Variants in CDH8 observed in about 807,000 individuals in gnomAD.
CDH8 encodes the protein cadherin-8.
Under a neutral mutation model 68.1 loss-of-function variants are expected in CDH8, and 17 were observed. That is an observed-to-expected ratio of 0.25 (90% CI 0.17 to 0.37). The LOEUF is 0.37. Among genes scored for constraint, CDH8 ranks in the 10% least tolerant of loss-of-function variants. CDH8 has a pLI of 1.00. For missense variants in CDH8, 763 were observed against 999.3 expected (o/e 0.76, Z 3.19); for synonymous variants, 372 against 365.1 (o/e 1.02, Z -0.21).
chr16:62,017,992 T>A (rs1375132301), intron 2 of CDH8, among the ~76,000 whole-genome samples: 1 of 152,082 alleles, frequency 6.6e-6, no homozygotes, highest in Non-Finnish European at 1.5e-5. Flanking sequence ...TACAAACACA[T>A]ACACACACAC....
intron 11 of CDH8, among the ~76,000 whole-genome samples, chr16:61,654,995 G>A (rs990919636): frequency 6.6e-6 from 1 of 152,158 alleles, no homozygotes; most frequent in Non-Finnish European, 1.5e-5. Flanking sequence ...AAATGCAATG[G>A]TATTTTGAAG....
intron 2 of CDH8, 114 bp from the exon 3 acceptor site, chr16:61,901,587 G>T: frequency 1.5e-6 from 1 of 667,886 alleles, no homozygotes; most frequent in Non-Finnish European, 2.6e-6. Flanking sequence ...ATCAATTTCT[G>T]CTAATAGTAG....
At chr16:61,801,704 C>G (rs539047492) in intron 7 of CDH8, among the ~76,000 whole-genome samples, 1 of 152,056 alleles carries the variant, frequency 6.6e-6, no homozygotes, top group African/African-American at 2.4e-5. Context: ...AAAGGGGTGA[C>G]GGACGCACCT....
intron 4 of CDH8, among the ~76,000 whole-genome samples, chr16:61,832,335 G>GATA (rs777565282): frequency 1.0e-5 from 1 of 97,276 alleles, no homozygotes; most frequent in Admixed American, 9.5e-5. Context: ...ATAGATAATA[G>GATA]ATAGATAGAT....
At chr16:61,717,479 A>G (rs1029608752) in intron 9 of CDH8, among the ~76,000 whole-genome samples, 1 of 151,642 alleles carries the variant, frequency 6.6e-6, no homozygotes, top group Non-Finnish European at 1.5e-5. Flanking sequence ...AAAATTCTAA[A>G]TCTAAATTAG....
At chr16:61,836,951 T>C (rs868485729) in intron 4 of CDH8, among the ~76,000 whole-genome samples, 4 of 152,014 alleles carry the variant, frequency 2.6e-5, no homozygotes, top group South Asian at 2.1e-4. Context: ...CAACTAACCC[T>C]GGATAATCTT....
chr16:62,012,950 T>G (rs1469877480), intron 2 of CDH8, among the ~76,000 whole-genome samples: 1 of 152,144 alleles, frequency 6.6e-6, no homozygotes, highest in Non-Finnish European at 1.5e-5. Context: ...GTGATTTGCA[T>G]TCTCTTTAAA....
chr16:61,982,976 C>T (rs1567555805), intron 2 of CDH8, among the ~76,000 whole-genome samples: 1 of 152,046 alleles, frequency 6.6e-6, no homozygotes, highest in Non-Finnish European at 1.5e-5. Flanking sequence ...GAAAAAGTTT[C>T]TACATGTAAC....
At chr16:61,718,711 C>T (rs141034493) in intron 9 of CDH8, among the ~76,000 whole-genome samples, 3,528 of 151,360 alleles carry the variant, frequency 0.023, 71 homozygotes, top group Non-Finnish European at 0.035. Context: ...CTTTATATGG[C>T]TGTCATTCCT....
At chr16:61,848,688 T>A (rs1463666309) in intron 4 of CDH8, among the ~76,000 whole-genome samples, 1 of 152,044 alleles carries the variant, frequency 6.6e-6, no homozygotes, top group African/African-American at 2.4e-5. Context: ...GGATGACATT[T>A]GTTGGGGGTA....
Position 61,894,685 on chromosome 16 carries a change from A to G in CDH8, c.547+6494T>C, listed in dbSNP as rs75090989. Among the ~76,000 whole-genome samples the G allele has an allele frequency of 7.2e-4, 109 of 152,294 alleles. No homozygotes were observed. In the East Asian group the frequency reaches 0.017, roughly 23 times the overall value. On this transcript the variant is annotated intron_variant, in intron 3 of 11. Coordinates refer to ENST00000577390, the MANE Select transcript of CDH8 (RefSeq NM_001796.5). ...TGTGTTTTCTATGAGCATTCCTCCA[A>G]AAGAGGAAAACATAGCCATATTTTA... is the stretch of plus-strand genomic sequence containing the variant.
At chr16:61,868,820 C>G (rs1326586961) in intron 3 of CDH8, among the ~76,000 whole-genome samples, 7 of 152,088 alleles carry the variant, frequency 4.6e-5, no homozygotes, top group Non-Finnish European at 1.5e-5. Context: ...ATTGAAAACT[C>G]TACGTGACAT....
At chr16:61,856,484 G>T (rs1422073530) in intron 4 of CDH8, among the ~76,000 whole-genome samples, 2 of 152,030 alleles carry the variant, frequency 1.3e-5, no homozygotes, top group Admixed American at 1.3e-4. Flanking sequence ...AAGGCTGTTT[G>T]TTAGATAACT....
intron 2 of CDH8, among the ~76,000 whole-genome samples, chr16:61,998,827 T>G (rs963667116): frequency 2.0e-5 from 3 of 152,158 alleles, no homozygotes; most frequent in African/African-American, 7.2e-5. Flanking sequence ...CCAAAGATCA[T>G]TTTCTCTGTA....
In CDH8 at chr16:61,889,551, T is replaced by G. The variant is rs538503929; in HGVS notation, c.547+11628A>C. ...CATTTTCAGGCAAGTCTTCAGAATT[T>G]CACAAATATGTGTTTCGGAGCTGCC... On this transcript the variant is annotated intron_variant, in intron 3 of 11. Coordinates refer to ENST00000577390, the MANE Select transcript of CDH8 (RefSeq NM_001796.5). Among the ~76,000 whole-genome samples, 5 of 152,316 alleles carry G rather than the reference T, an allele frequency of 3.3e-5. No individual in the cohort carries two copies. The South Asian group carries it at 1.0e-3, about 32-fold the overall frequency.
intron 3 of CDH8, among the ~76,000 whole-genome samples, chr16:61,877,120 ATGTT>A (rs1022951920): frequency 2.6e-5 from 4 of 152,122 alleles, no homozygotes; most frequent in South Asian, 2.1e-4. Flanking sequence ...TACCAGCATG[ATGTT>A]TGTTTTTCTT....
chr16:61,697,497 ATT>A (rs35190674), intron 10 of CDH8, among the ~76,000 whole-genome samples: 86 of 146,990 alleles, frequency 5.9e-4, no homozygotes, highest in Middle Eastern at 3.5e-3. Flanking sequence ...TTGGAGAGTT[ATT>A]TTTTTTTTTT....
At chr16:61,971,508 C>T (rs1965340027) in intron 2 of CDH8, among the ~76,000 whole-genome samples, 1 of 152,174 alleles carries the variant, frequency 6.6e-6, no homozygotes, top group South Asian at 2.1e-4. Flanking sequence ...GGAATGGTTG[C>T]ATACAGAGCT....
At position 62,013,261 on chromosome 16, in the gene CDH8, CAAAAAAAAAAAA is replaced by C. The variant is rs1165564723; in HGVS notation, c.252+7879_252+7890del. On this transcript the variant is annotated intron_variant, in intron 2 of 11. Coordinates refer to ENST00000577390, the MANE Select transcript of CDH8 (RefSeq NM_001796.5). The stretch of plus-strand genomic sequence containing the variant: ...TGGGCGACAGAGCGAGACTCCGTCT[CAAAAAAAAAAAA>C]AAAAAAAAAAAAAAAAAAAATTAAC... Among the ~76,000 whole-genome samples the C allele has an allele frequency of 7.8e-4, 5 of 6,408 alleles. 1 individual carries two copies. Among genetic ancestry groups the C allele is most frequent in the Non-Finnish European group, 1.3e-3 (5 of 3,988 alleles). 4.2% of individuals were successfully genotyped at this position (6,408 alleles called of 152,430 possible).
Sources: allele counts gnomAD v4.1 joint callset (sites outside exome capture counted in the v4.1 genomes callset), GRCh38; gene constraint gnomAD v4.1.1; transcripts MANE v1.5; gene names NCBI Gene and HGNC (gene_info 2026-07-23, HGNC 2026-07-21).